The following EIF3D variants were observed in gnomAD, a reference collection of about 807,000 sequenced individuals.
EIF3D encodes the protein eukaryotic translation initiation factor 3 subunit D, also known as eIF3 p66.
A neutral mutation model predicts 75.4 loss-of-function variants in EIF3D; 10 were observed. The observed-to-expected ratio is 0.13, with a 90% confidence interval of 0.08 to 0.22. The LOEUF (loss-of-function observed/expected upper bound fraction) is 0.22, where lower values mean the gene tolerates loss of function less well. Ranked by LOEUF, EIF3D falls within the 10% of genes least tolerant of loss-of-function variation. EIF3D has a pLI of 1.00. For synonymous variants in EIF3D, 246 were observed against 248.3 expected (o/e 0.99, Z 0.09); for missense variants, 394 against 708.0 (o/e 0.56, Z 5.03).
In EIF3D at chr22:36,516,773, G is replaced by T. The variant is rs1282115157; in HGVS notation, c.1008C>A (p.Asn336Lys). ...CCACAAACGGGTTTGGGTTGGGGAAGTTGTATCTTTCCTTCCCCTGCAAAA... is the reference window on the plus strand; with the variant it reads ...CCACAAACGGGTTTGGGTTGGGGAATTTGTATCTTTCCTTCCCCTGCAAAA... Reference protein sequence around the residue: ...QCLRMGKERYNFPNPNPFVED... With the variant: ...QCLRMGKERYKFPNPNPFVED... The change falls in exon 11 of 15, where the codon AAC becomes AAA. Residue 336 changes from asparagine to lysine, a missense_variant. By Grantham distance (94) the Asn-to-Lys change is moderately conservative. Coordinates refer to ENST00000216190, the MANE Select transcript of EIF3D (RefSeq NM_003753.4). 6.2e-7 allele frequency: 1 copy of T among 1,614,246 alleles called. No homozygotes were observed. Among genetic ancestry groups the T allele is most frequent in the Non-Finnish European group, 8.5e-7 (1 of 1,180,042 alleles).
At chr22:36,528,729 C>T (rs5995299) in intron 1 of EIF3D, 46,170 of 152,174 alleles carry the variant, frequency 0.3, 8,913 homozygotes, top group African/African-American at 0.55. Flanking sequence ...AGCCTGGTAC[C>T]CCTAAGACCT....
Position 36,511,688 on chromosome 22 carries a change from C to G in EIF3D, c.1448G>C (p.Ser483Thr), listed in dbSNP as rs1375122753. The change falls in exon 14 of 15, where the codon AGC becomes ACC. Residue 483 changes from serine to threonine, a missense_variant. Ser to Thr is a moderately conservative substitution (Grantham distance 58, BLOSUM62 1). Coordinates refer to ENST00000216190, the MANE Select transcript of EIF3D (RefSeq NM_003753.4). ...PNEFASQINL[S>T]VENAWGILRC... ...TAAAATGCCCCAGGCATTCTCCACG[C>G]TCAGGTTGATCTGGCTGGCAAACTC... 1.2e-6 allele frequency: 2 copies of G among 1,614,100 alleles called. No homozygotes were observed. Among genetic ancestry groups the G allele is most frequent in the South Asian group, 2.2e-5 (2 of 91,082 alleles).
chr22:36,513,492 G>A (rs183474621), intron 12 of EIF3D, among the ~76,000 whole-genome samples: 166 of 152,076 alleles, frequency 1.1e-3, no homozygotes, highest in African/African-American at 3.9e-3. Flanking sequence ...TGGTAGATAC[G>A]GGGTTTCATC....
intron 12 of EIF3D, among the ~76,000 whole-genome samples, chr22:36,514,676 G>A (rs1038402733): frequency 6.6e-6 from 1 of 152,190 alleles, no homozygotes; most frequent in Non-Finnish European, 1.5e-5. Flanking sequence ...CTGGCAGGGG[G>A]ATGGGGGCCT....
At chr22:36,517,563 G>C in intron 9 of EIF3D, 132 bp from the exon 10 acceptor site, 1 of 1,098,526 alleles carries the variant, frequency 9.1e-7, no homozygotes, top group East Asian at 3.0e-5. Flanking sequence ...CCTAAAGTGG[G>C]TCTCCCTGGT....
In EIF3D at chr22:36,517,366, G is replaced by A. The variant is rs1324778908; in HGVS notation, c.925C>T (p.Pro309Ser). Residue 309 changes from proline (P) to serine (S), a missense_variant, in exon 10 of 15, where the codon CCC (proline) becomes TCC (serine). Physicochemically the swap from Pro to Ser is moderately conservative, Grantham distance 74. Transcript: ENST00000216190. ...GTTGCCTCCATGGCCAGGTTGCGGG[G>A]TGAATTGAAGGAATTACCTTCATCT... ...PQDEGNSFNS[P>S]RNLAMEATYI... 3 of 1,613,976 alleles carry A rather than the reference G, an allele frequency of 1.9e-6. No homozygotes were observed. The highest frequency in any genetic ancestry group is 2.5e-6 in the Non-Finnish European group (3 of 1,179,922).
chr22:36,518,165 G>C (rs1040262164), intron 9 of EIF3D, among the ~76,000 whole-genome samples: 15 of 152,192 alleles, frequency 9.9e-5, no homozygotes, highest in African/African-American at 3.4e-4. Context: ...AGGTATGCAA[G>C]ATGGCAAAAG....
chr22:36,527,452 G>A (rs6000299), intron 1 of EIF3D, among the ~76,000 whole-genome samples: 55,546 of 151,988 alleles, frequency 0.37, 10,587 homozygotes, highest in African/African-American at 0.44. Context: ...ATGGCTGCCC[G>A]ACACTTCTAT....
chr22:36,511,061 C>T, intron 14 of EIF3D, 61 bp from the exon 15 acceptor site: 1 of 1,568,492 alleles, frequency 6.4e-7, no homozygotes, highest in Non-Finnish European at 8.6e-7. Flanking sequence ...TGTTCACTTT[C>T]CTTTCTGAAC....
intron 6 of EIF3D, among the ~76,000 whole-genome samples, chr22:36,521,013 A>C (rs1934503927): frequency 6.6e-6 from 1 of 152,194 alleles, no homozygotes; most frequent in Non-Finnish European, 1.5e-5. Context: ...CAGCCTGTCC[A>C]ACATGGTGAA....
chr22:36,526,918 C>T (rs1934613225), intron 1 of EIF3D: 1 of 152,206 alleles, frequency 6.6e-6, no homozygotes, highest in African/African-American at 2.4e-5. Context: ...GCAAAATAAA[C>T]AAGATCCTTG....
At chr22:36,517,183 G>A in intron 10 of EIF3D, 118 bp downstream of exon 10, 3 of 1,348,542 alleles carry the variant, frequency 2.2e-6, no homozygotes, top group Admixed American at 4.8e-5. Flanking sequence ...TGCTAAAGGT[G>A]GGGACTGCGT....
chr22:36,524,034 T>C (rs1336315007), intron 4 of EIF3D, 54 bp from the exon 5 acceptor site: 2 of 1,573,676 alleles, frequency 1.3e-6, no homozygotes, highest in Non-Finnish European at 1.7e-6. Context: ...TGGCTCACAA[T>C]AGGCAGAACA....
At position 36,516,529 on chromosome 22, in the gene EIF3D, G is replaced by A. The variant is rs117599987; in HGVS notation, c.1155C>T (p.Asn385=). 4.2e-5 allele frequency: 67 copies of A among 1,614,152 alleles called. No individual in the cohort carries two copies. The East Asian group carries it at 6.2e-4, about 15-fold the overall frequency. Reference sequence around the variant, plus strand: ...TGATGTTGATGAAGGACACTTCCCCGTTGGCTCCAGTCATGACGCCATCGT... The same window carrying A: ...TGATGTTGATGAAGGACACTTCCCCATTGGCTCCAGTCATGACGCCATCGT... ...CEHDGVMTGA[N]GEVSFINIKT... Residue 385 remains asparagine (N), a synonymous_variant, in exon 12 of 15, where the codon AAC becomes AAT. Coordinates refer to ENST00000216190, the MANE Select transcript of EIF3D (RefSeq NM_003753.4).
At chr22:36,511,075 T>C in intron 14 of EIF3D, 75 bp from the exon 15 acceptor site, 2 of 1,537,210 alleles carry the variant, frequency 1.3e-6, no homozygotes, top group African/African-American at 1.4e-5. Flanking sequence ...TCTGAACCTC[T>C]GCTGGACTGT....
At chr22:36,517,059 T>G in intron 10 of EIF3D, 1 of 616,278 alleles carries the variant, frequency 1.6e-6, no homozygotes. Flanking sequence ...GTAAATCAAT[T>G]TATTATTTAT....
At chr22:36,523,755 G>A (rs1486080902) in intron 5 of EIF3D, 140 bp downstream of exon 5, 2 of 785,492 alleles carry the variant, frequency 2.5e-6, no homozygotes, top group South Asian at 1.5e-5. Context: ...CAAGCTAAAA[G>A]GGGGCTTAAC....
chr22:36,521,945 C>T (rs1211038689), intron 6 of EIF3D, among the ~76,000 whole-genome samples: 2 of 151,662 alleles, frequency 1.3e-5, no homozygotes, highest in African/African-American at 4.8e-5. Flanking sequence ...CTTAAAAAAA[C>T]AAAAAACAAA....
chr22:36,517,054 T>C, intron 10 of EIF3D: 1 of 615,122 alleles, frequency 1.6e-6, no homozygotes. Context: ...TTGATGTAAA[T>C]CAATTTATTA....
Sources: allele counts gnomAD v4.1 joint callset (sites outside exome capture counted in the v4.1 genomes callset), GRCh38; gene constraint gnomAD v4.1.1; transcripts MANE v1.5; gene names NCBI Gene and HGNC (gene_info 2026-07-23, HGNC 2026-07-21).